LRP10: variants seen among roughly 807,000 people sequenced by gnomAD.
The protein encoded by LRP10 is LDL receptor related protein 10, also known as low-density lipoprotein receptor-related protein 10.
Under a neutral mutation model 58.5 loss-of-function variants are expected in LRP10, and 42 were observed. The ratio of observed to expected loss-of-function variants is 0.72; its 90% CI spans 0.56 to 0.93. LRP10 has a LOEUF of 0.93. Ranked by LOEUF, LRP10 falls within the 40% of genes least tolerant of loss-of-function variation. The pLI, the probability that LRP10 is intolerant of heterozygous loss-of-function variation, is 0.00. For missense variants in LRP10, 872 were observed against 940.1 expected, an observed-to-expected ratio of 0.93 and a Z score of 0.95; for synonymous variants, 377 against 388.5, an observed-to-expected ratio of 0.97 and a Z score of 0.35.
At chr14:22,876,880 G>A (rs1033576770) in intron 6 of LRP10, 60 bp from the exon 7 acceptor site, 17 of 1,594,684 alleles carry the variant, frequency 1.1e-5, no homozygotes, top group Non-Finnish European at 1.2e-5. Context: ...CCCCGCCCCT[G>A]TACCCTCCTT....
Position 22,872,206 on chromosome 14 carries a change from C to G in LRP10, c.-98C>G, listed in dbSNP as rs1043784112. On this transcript the variant is annotated 5_prime_UTR_variant, in exon 1 of 7. Transcript: ENST00000359591. ...GGGCCATGGAGCCCCCCTGGGGAGG[C>G]GGCACCAGGGAGCCTGGGCGCCCGG... 7.9e-7 allele frequency: 1 copy of G among 1,262,492 alleles called. No individual in the cohort carries two copies. 78.2% of individuals were successfully genotyped at this position (1,262,492 alleles called of 1,614,324 possible). A position where few individuals can be genotyped will look rare whatever the true frequency, so the allele number is the denominator to read the frequency against.
Position 22,877,481 on chromosome 14 carries a change from C to T in LRP10, c.2096C>T (p.Pro699Leu), listed in dbSNP as rs369666622. 109 of 1,611,294 alleles carry T rather than the reference C, an allele frequency of 6.8e-5. No homozygotes were observed. The highest frequency in any genetic ancestry group is 8.7e-5 in the Non-Finnish European group (103 of 1,179,214). ...GTGCTACTGGTGCCACTGGCTGAGC[C>T]GGGGGTGTGGGTAGCTGAGGCAGAG... ...DDVLLVPLAE[P>L]GVWVAEAEDE... The change falls in exon 7 of 7, where the codon CCG (proline) becomes CTG (leucine). Residue 699 changes from proline to leucine, a missense_variant. Pro to Leu is a moderately conservative substitution (Grantham distance 98). Coordinates refer to ENST00000359591, the MANE Select transcript of LRP10 (RefSeq NM_014045.5). This position sits in a 1 kb window ranked among gnomAD's most constrained non-coding sequence, Gnocchi z 5.1.
chr14:22,876,484 A>G, intron 5 of LRP10, 112 bp downstream of exon 5: 1 of 1,403,894 alleles, frequency 7.1e-7, no homozygotes, highest in East Asian at 2.3e-5. Context: ...TCCCATGATC[A>G]GCTTGTCAGT....
chr14:22,878,543 C>G lies in LRP10; in HGVS notation c.*1016C>G, dbSNP rs1332060791. 2 of 153,108 alleles carry G rather than the reference C, an allele frequency of 1.3e-5. No homozygotes were observed. The highest frequency in any genetic ancestry group is 2.9e-5 in the Non-Finnish European group (2 of 68,686). The allele number at this position is 153,108 out of a possible 1,614,324, so 9.5% of individuals were successfully genotyped here. Reference sequence around the variant, plus strand: ...GTCCTATGCAAGACAGATGAATTCTCAGCCAGGATACCTCAAGGCAGGCAA... The same window carrying G: ...GTCCTATGCAAGACAGATGAATTCTGAGCCAGGATACCTCAAGGCAGGCAA... On this transcript the variant is annotated 3_prime_UTR_variant, in exon 7 of 7. Transcript: ENST00000359591.
Position 22,877,298 on chromosome 14 carries a change from C to T in LRP10, c.1913C>T (p.Pro638Leu). The change falls in exon 7 of 7, where the codon CCA becomes CTA. Residue 638 changes from proline (P) to leucine (L), a missense_variant. Coordinates refer to ENST00000359591, the MANE Select transcript of LRP10 (RefSeq NM_014045.5). This position sits in a 1 kb window ranked among gnomAD's most constrained non-coding sequence, Gnocchi z 5.1. ...GCCCCCACTACTGTCCCTGAAGCCCCAGGGCCACTGCCCTCACTGCCCCTA... is the reference window on the plus strand; with the variant it reads ...GCCCCCACTACTGTCCCTGAAGCCCTAGGGCCACTGCCCTCACTGCCCCTA... ...SPAPTTVPEA[P>L]GPLPSLPLEP... 2 of 1,612,108 alleles carry T rather than the reference C, an allele frequency of 1.2e-6. No homozygotes were observed. Among genetic ancestry groups the T allele is most frequent in the Non-Finnish European group, 1.7e-6 (2 of 1,178,956 alleles).
rs775338919 is a variant in LRP10, at chr14:22,877,265, C to T, written c.1880C>T (p.Thr627Met). ...AAGGCTCCCCTCCCATCTGCTAGCA[C>T]GTCTCCAGCCCCCACTACTGTCCCT... is the stretch of plus-strand genomic sequence containing the variant. ...PIKAPLPSAS[T>M]SPAPTTVPEA... Residue 627 changes from threonine to methionine, a missense_variant, in exon 7 of 7, where the codon ACG (threonine) becomes ATG (methionine). By Grantham distance (81) the Thr-to-Met change is moderately conservative. Coordinates refer to ENST00000359591, the MANE Select transcript of LRP10 (RefSeq NM_014045.5). The surrounding 1 kb of genome is among the most constrained non-coding windows in gnomAD (Gnocchi z 5.1). The T allele has an allele frequency of 1.8e-5, 29 of 1,611,144 alleles. No homozygotes were observed. The highest frequency in any genetic ancestry group is 6.7e-5 in the East Asian group (3 of 44,888).
chr14:22,875,130 G>A lies in LRP10; in HGVS notation c.291G>A (p.Leu97=), dbSNP rs371591377. Reference sequence around the variant, plus strand: ...CCCCTCTCCAGCCACTGATCTCCCTGTGTGAGGCACCTCCCAGCCCTCTGC... The same window carrying A: ...CCCCTCTCCAGCCACTGATCTCCCTATGTGAGGCACCTCCCAGCCCTCTGC... The part of the protein sequence containing the change: ...LRSPLQPLIS[L]CEAPPSPLQL... Residue 97 remains leucine, a synonymous_variant, in exon 4 of 7, where the codon CTG becomes CTA. Transcript: ENST00000359591. 4.3e-6 allele frequency: 7 copies of A among 1,613,380 alleles called. No individual in the cohort carries two copies. The African/African-American group carries it at 5.3e-5, about 12-fold the overall frequency.
Position 22,875,734 on chromosome 14 carries a change from G to A in LRP10, c.786G>A (p.Leu262=). ...GPGPPESSRL[L]RSLTHFSNGK... is the part of the protein sequence containing the mutation. ...GGCCCCCTGAGAGCTCCCGACTACTGCGTAGTCTCACCCACTTCAGCAATG... is the reference window on the plus strand; with the variant it reads ...GGCCCCCTGAGAGCTCCCGACTACTACGTAGTCTCACCCACTTCAGCAATG... Residue 262 remains leucine, a synonymous_variant, in exon 5 of 7, where the codon CTG becomes CTA. Coordinates refer to ENST00000359591, the MANE Select transcript of LRP10 (RefSeq NM_014045.5). 1 of 1,614,016 alleles carries A rather than the reference G, an allele frequency of 6.2e-7. No homozygotes were observed.
rs558211051 is a variant in LRP10, at chr14:22,879,029, C to T, written c.*1502C>T. On this transcript the variant is annotated 3_prime_UTR_variant, in exon 7 of 7. Coordinates refer to ENST00000359591, the MANE Select transcript of LRP10 (RefSeq NM_014045.5). ...CCTGGGGAAAGAGGCTCCCCTCAGG[C>T]TCTCCTTGTCTAGCCCCACACCTGG... 356 of 331,622 alleles carry T rather than the reference C, an allele frequency of 1.1e-3. No homozygotes were observed. Among genetic ancestry groups the T allele is most frequent in the Non-Finnish European group, 2.0e-3 (320 of 157,100 alleles). 20.5% of individuals were successfully genotyped at this position (331,622 alleles called of 1,614,324 possible).
At chr14:22,873,236 A>G in intron 2 of LRP10, 75 bp from the exon 3 acceptor site, 9 of 1,537,316 alleles carry the variant, frequency 5.9e-6, no homozygotes, top group Non-Finnish European at 7.0e-6. Context: ...GGAAACCTCA[A>G]GCCTCCAAGC....
chr14:22,877,560 C>G lies in LRP10; in HGVS notation c.*33C>G. ...TGGGGGCTCTACTGAGGCCTCTCCC[C>G]TGGGGGCTCTACTCATAGTGGCACA... On this transcript the variant is annotated 3_prime_UTR_variant, in exon 7 of 7. Coordinates refer to ENST00000359591, the MANE Select transcript of LRP10 (RefSeq NM_014045.5). This position sits in a 1 kb window ranked among gnomAD's most constrained non-coding sequence, Gnocchi z 5.1. 1 of 1,475,630 alleles carries G rather than the reference C, an allele frequency of 6.8e-7. No individual in the cohort carries two copies. The highest frequency in any genetic ancestry group is 2.2e-5 in the Admixed American group (1 of 45,660). 91.4% of individuals were successfully genotyped at this position (1,475,630 alleles called of 1,614,324 possible). A position where few individuals can be genotyped will look rare whatever the true frequency, so the allele number is the denominator to read the frequency against.
At chr14:22,876,649 C>G (rs749294349) in intron 5 of LRP10, 40 bp from the exon 6 acceptor site, 2 of 1,602,570 alleles carry the variant, frequency 1.2e-6, no homozygotes, top group East Asian at 4.5e-5. Context: ...CTACTCTGGC[C>G]GAGAACTACC....
At position 22,877,057 on chromosome 14, in the gene LRP10, C is replaced by G; in HGVS notation, c.1672C>G (p.Arg558Gly). 2 of 1,613,754 alleles carry G rather than the reference C, an allele frequency of 1.2e-6. No homozygotes were observed. Among genetic ancestry groups the G allele is most frequent in the Non-Finnish European group, 1.7e-6 (2 of 1,179,868 alleles). Residue 558 changes from arginine (R) to glycine (G), a missense_variant, in exon 7 of 7, where the codon CGC (arginine) becomes GGC (glycine). Coordinates refer to ENST00000359591, the MANE Select transcript of LRP10 (RefSeq NM_014045.5). The surrounding 1 kb of genome is among the most constrained non-coding windows in gnomAD (Gnocchi z 5.1). ...QRGRLMRRLV[R>G]RLRRWGLLPR... is the part of the protein sequence containing the mutation. Reference sequence around the variant, plus strand: ...GGGCCGCTTGATGCGACGCCTGGTACGCCGTCTCCGCCGCTGGGGCTTGCT... The same window carrying G: ...GGGCCGCTTGATGCGACGCCTGGTAGGCCGTCTCCGCCGCTGGGGCTTGCT...
At chr14:22,876,501 C>T (rs1011682842) in intron 5 of LRP10, 129 bp downstream of exon 5, 5 of 1,346,218 alleles carry the variant, frequency 3.7e-6, no homozygotes, top group Admixed American at 2.0e-5. Flanking sequence ...CAGTTGTGTC[C>T]TGTAAGGGAC....
rs1198021114 is a variant in LRP10, at chr14:22,878,314, A to G, written c.*787A>G. 1 of 152,230 alleles carries G rather than the reference A, an allele frequency of 6.6e-6. No individual in the cohort carries two copies. The highest frequency in any genetic ancestry group is 1.5e-5 in the Non-Finnish European group (1 of 68,060). 9.4% of individuals were successfully genotyped at this position (152,230 alleles called of 1,614,324 possible). A position where few individuals can be genotyped will look rare whatever the true frequency, so the allele number is the denominator to read the frequency against. ...ATTTTCACTCAAATGCCTGGGGCCC[A>G]GCTCTGCAATGACTGACTCCAGGGC... On this transcript the variant is annotated 3_prime_UTR_variant, in exon 7 of 7. Transcript: ENST00000359591.
At chr14:22,876,909 C>CT in intron 6 of LRP10, 31 bp from the exon 7 acceptor site, 1 of 1,582,210 alleles carries the variant, frequency 6.3e-7, no homozygotes, top group Non-Finnish European at 8.6e-7. Flanking sequence ...CTTTGGCCCT[C>CT]TGACTCTGAG....
chr14:22,879,742 A>C lies in LRP10; in HGVS notation c.*2215A>C, dbSNP rs2040043012. 6.5e-6 allele frequency: 1 copy of C among 154,208 alleles called. No individual in the cohort carries two copies. The highest frequency in any genetic ancestry group is 1.4e-5 in the Non-Finnish European group (1 of 69,250). 9.6% of individuals were successfully genotyped at this position (154,208 alleles called of 1,614,324 possible). On this transcript the variant is annotated 3_prime_UTR_variant, in exon 7 of 7. Coordinates refer to ENST00000359591, the MANE Select transcript of LRP10 (RefSeq NM_014045.5). ...CTAGGTTCTGGTTGTGTGCTGTACGAGGTGTAGGTAGTAATAATACTCTTG... is the reference window on the plus strand; with the variant it reads ...CTAGGTTCTGGTTGTGTGCTGTACGCGGTGTAGGTAGTAATAATACTCTTG...
Position 22,879,018 on chromosome 14 carries a change from C to T in LRP10, c.*1491C>T, listed in dbSNP as rs2040035898. On this transcript the variant is annotated 3_prime_UTR_variant, in exon 7 of 7. Coordinates refer to ENST00000359591, the MANE Select transcript of LRP10 (RefSeq NM_014045.5). ...CGGACCCAGTCCCTGGGGAAAGAGG[C>T]TCCCCTCAGGCTCTCCTTGTCTAGC... 1 of 313,202 alleles carries T rather than the reference C, an allele frequency of 3.2e-6. No homozygotes were observed. Among genetic ancestry groups the T allele is most frequent in the Non-Finnish European group, 6.7e-6 (1 of 148,398 alleles). 19.4% of individuals were successfully genotyped at this position (313,202 alleles called of 1,614,324 possible). A position where few individuals can be genotyped will look rare whatever the true frequency, so the allele number is the denominator to read the frequency against.
Position 22,877,074 on chromosome 14 carries a change from G to T in LRP10, c.1689G>T (p.Trp563Cys). The T allele has an allele frequency of 1.2e-6, 2 of 1,613,852 alleles. No homozygotes were observed. The highest frequency in any genetic ancestry group is 1.7e-6 in the Non-Finnish European group (2 of 1,179,898). ...MRRLVRRLRRWGLLPRTNTPA... is the reference protein window; with the variant it reads ...MRRLVRRLRRCGLLPRTNTPA... ...GCCTGGTACGCCGTCTCCGCCGCTG[G>T]GGCTTGCTCCCTCGAACCAACACCC... Residue 563 changes from tryptophan (W) to cysteine (C), a missense_variant, in exon 7 of 7, where the codon TGG (tryptophan) becomes TGT (cysteine). By Grantham distance (215) the Trp-to-Cys change is radical (BLOSUM62 -2). Coordinates refer to ENST00000359591, the MANE Select transcript of LRP10 (RefSeq NM_014045.5). This position sits in a 1 kb window ranked among gnomAD's most constrained non-coding sequence, Gnocchi z 5.1.
Sources: allele counts gnomAD v4.1 joint callset, GRCh38; gene constraint gnomAD v4.1.1; non-coding constraint Gnocchi (gnomAD v3.1); transcripts MANE v1.5; gene names NCBI Gene and HGNC (gene_info 2026-07-23, HGNC 2026-07-21).